Variants in IGSF10 observed in about 807,000 individuals in gnomAD.
IGSF10 encodes the protein calvaria mechanical force protein 608.
A neutral mutation model predicts 128.2 loss-of-function variants in IGSF10; 126 were observed. The ratio of observed to expected loss-of-function variants is 0.98; its 90% CI spans 0.85 to 1.14. IGSF10 has a LOEUF of 1.14. IGSF10 is among the 50% of genes most tolerant of loss of function. The pLI, the probability that IGSF10 is intolerant of heterozygous loss-of-function variation, is 0.00. For missense variants in IGSF10, 3,295 were observed against 3,149.8 expected (o/e 1.05, Z -1.10); for synonymous variants, 1,185 against 1,146.2 (o/e 1.03, Z -0.68).
At chr3:151,552,026 CAGTGTTTG>C in the IGSF10 span, among the ~76,000 whole-genome samples, 1 of 152,100 alleles carries the variant, frequency 6.6e-6, no homozygotes, top group Non-Finnish European at 1.5e-5. Context: ...TTGTAATCCC[CAGTGTTTG>C]CGGAGGGATC....
At chr3:151,528,292 T>C in the IGSF10 span, among the ~76,000 whole-genome samples, 511 of 152,360 alleles carry the variant, frequency 3.4e-3, 1 homozygote, top group African/African-American at 0.012. Flanking sequence ...TATTAGGTCA[T>C]TGCATTCAGG....
the IGSF10 span, among the ~76,000 whole-genome samples, chr3:151,594,622 CT>C: frequency 0.036 from 4,821 of 135,414 alleles, 112 homozygotes; most frequent in African/African-American, 0.077. Flanking sequence ...GCGCCCGGCC[CT>C]TTTTTTTTTT....
chr3:151,495,118 C>T, the IGSF10 span, among the ~76,000 whole-genome samples: 3 of 152,138 alleles, frequency 2.0e-5, no homozygotes, highest in African/African-American at 7.2e-5. Flanking sequence ...GACATTTATA[C>T]TTTCTGACAC....
At chr3:151,515,888 G>A in the IGSF10 span, among the ~76,000 whole-genome samples, 1 of 151,668 alleles carries the variant, frequency 6.6e-6, no homozygotes, top group Admixed American at 6.6e-5. Flanking sequence ...TATTTATAGA[G>A]GGATTTCATT....
the IGSF10 span, among the ~76,000 whole-genome samples, chr3:151,508,799 A>G: frequency 6.6e-6 from 1 of 152,352 alleles, no homozygotes; most frequent in African/African-American, 2.4e-5. Context: ...GCACTGTCAA[A>G]TAAGAATAAT....
chr3:151,446,548 A>G lies in IGSF10; in HGVS notation c.3433T>C (p.Tyr1145His), dbSNP rs1031057299. ...QVTPTGAVMT[Y>H]APTSIPMEKT... ...TCCATGGGTATGGATGTTGGAGCAT[A>G]TGTCATGACTGCACCAGTTGGAGTC... Residue 1145 changes from tyrosine to histidine, a missense_variant, in exon 6 of 8, where the codon TAT becomes CAT. Coordinates refer to ENST00000282466, the MANE Select transcript of IGSF10 (RefSeq NM_178822.5). The G allele has an allele frequency of 1.2e-6, 2 of 1,614,094 alleles. No homozygotes were observed. Among genetic ancestry groups the G allele is most frequent in the East Asian group, 2.2e-5 (1 of 44,884 alleles).
chr3:151,532,359 G>A, the IGSF10 span, among the ~76,000 whole-genome samples: 1 of 151,892 alleles, frequency 6.6e-6, no homozygotes, highest in Non-Finnish European at 1.5e-5. Flanking sequence ...CCAAAACCTG[G>A]CAGACACACA....
the IGSF10 span, among the ~76,000 whole-genome samples, chr3:151,544,060 C>A: frequency 2.0e-5 from 3 of 152,194 alleles, no homozygotes; most frequent in Non-Finnish European, 4.4e-5. Context: ...CAGGCACATG[C>A]CACCACGCCT....
chr3:151,449,112 G>A lies in IGSF10; in HGVS notation c.869C>T (p.Ser290Leu). 6.2e-7 allele frequency: 1 copy of A among 1,614,216 alleles called. No homozygotes were observed. Among genetic ancestry groups the A allele is most frequent in the Non-Finnish European group, 8.5e-7 (1 of 1,180,042 alleles). The change falls in exon 6 of 8, where the codon TCA becomes TTA. Residue 290 changes from serine (S) to leucine (L), a missense_variant. Ser to Leu is a moderately radical substitution (Grantham distance 145). Coordinates refer to ENST00000282466, the MANE Select transcript of IGSF10 (RefSeq NM_178822.5). ...GTCTTCCAGAATAGTCAGGCTCTTT[G>A]ATTTCAGGGATGAGTCAATGGTTGG... Reference protein sequence around the residue: ...AKPTIDSSLKSKSLTILEDSS... With the variant: ...AKPTIDSSLKLKSLTILEDSS...
chr3:151,447,041 G>A lies in IGSF10; in HGVS notation c.2940C>T (p.Ser980=). The A allele has an allele frequency of 6.2e-7, 1 of 1,614,088 alleles. No individual in the cohort carries two copies. Among genetic ancestry groups the A allele is most frequent in the Non-Finnish European group, 8.5e-7 (1 of 1,179,960 alleles). ...YSHTTQILST[S]TFPSDPHTAA... ...CTGTGTGTGGATCTGAAGGGAACGTGGAGGTGCTAAGTATTTGAGTAGTGT... is the reference window on the plus strand; with the variant it reads ...CTGTGTGTGGATCTGAAGGGAACGTAGAGGTGCTAAGTATTTGAGTAGTGT... Residue 980 remains serine (S), a synonymous_variant, in exon 6 of 8, where the codon TCC becomes TCT. Transcript: ENST00000282466.
chr3:151,466,817 G>A, the IGSF10 span, among the ~76,000 whole-genome samples: 1 of 152,092 alleles, frequency 6.6e-6, no homozygotes, highest in East Asian at 1.9e-4. Flanking sequence ...GACCTCAGGT[G>A]ATCCACCCGC....
chr3:151,455,354 T>TG (rs1234967098), intron 4 of IGSF10, among the ~76,000 whole-genome samples: 1 of 63,834 alleles, frequency 1.6e-5, no homozygotes, highest in African/African-American at 5.9e-5. Flanking sequence ...TCAGGTGATC[T>TG]GCCCCCCCTT....
the IGSF10 span, among the ~76,000 whole-genome samples, chr3:151,494,149 C>A: frequency 2.0e-5 from 3 of 151,944 alleles, no homozygotes; most frequent in South Asian, 4.1e-4. Flanking sequence ...CTCCAAAATA[C>A]CTTTTAAAAT....
chr3:151,461,508 G>T, upstream of IGSF10: 1 of 767,592 alleles, frequency 1.3e-6, no homozygotes, highest in Non-Finnish European at 1.6e-6. Context: ...TATACAACAT[G>T]TTATGGGCTA....
At chr3:151,607,914 A>G in the IGSF10 span, among the ~76,000 whole-genome samples, 15 of 14,872 alleles carry the variant, frequency 1.0e-3, no homozygotes, top group South Asian at 0.03. Context: ...CCATCTCGGA[A>G]AAAAAAAAAA....
chr3:151,458,585 T>C lies in IGSF10; in HGVS notation c.125A>G (p.His42Arg), dbSNP rs751989879. 3.1e-5 allele frequency: 50 copies of C among 1,614,000 alleles called. No individual in the cohort carries two copies. Among genetic ancestry groups the C allele is most frequent in the Admixed American group, 1.8e-4 (11 of 59,998 alleles). Residue 42 changes from histidine (H) to arginine (R), a missense_variant, in exon 3 of 8, where the codon CAC becomes CGC. By Grantham distance (29) the His-to-Arg change is conservative. Transcript: ENST00000282466. Reference protein sequence around the residue: ...RCACYMPTEVHCTFRYLTSIP... With the variant: ...RCACYMPTEVRCTFRYLTSIP... Reference sequence around the variant, plus strand: ...GGAAGTCAGGTACCGAAATGTGCAGTGTACCTCCGTAGGCATATAACAGGC... The same window carrying C: ...GGAAGTCAGGTACCGAAATGTGCAGCGTACCTCCGTAGGCATATAACAGGC...
At chr3:151,481,880 C>T in the IGSF10 span, among the ~76,000 whole-genome samples, 1 of 152,144 alleles carries the variant, frequency 6.6e-6, no homozygotes, top group Non-Finnish European at 1.5e-5. Context: ...CAGCTACTGT[C>T]ACTGCCACAA....
At chr3:151,468,283 C>T in the IGSF10 span, among the ~76,000 whole-genome samples, 1 of 152,176 alleles carries the variant, frequency 6.6e-6, no homozygotes, top group African/African-American at 2.4e-5. Flanking sequence ...CAAGCTGACC[C>T]TTCAGTTACA....
intron 7 of IGSF10, chr3:151,440,488 G>A (rs1172279928): frequency 6.7e-6 from 3 of 450,924 alleles, no homozygotes; most frequent in Non-Finnish European, 1.3e-5. Context: ...GAAACTGCCA[G>A]GTGCTTTGCA....
Sources: allele counts gnomAD v4.1 joint callset (sites outside exome capture counted in the v4.1 genomes callset), GRCh38; gene constraint gnomAD v4.1.1; transcripts MANE v1.5; gene names NCBI Gene and HGNC (gene_info 2026-07-23, HGNC 2026-07-21).